Variants in UGT1A7 observed in about 807,000 individuals in gnomAD.
The protein encoded by UGT1A7 is UDP-glucuronosyltransferase 1A7.
Under a neutral mutation model 45.6 loss-of-function variants are expected in UGT1A7, and 33 were observed. That is an observed-to-expected ratio of 0.72 (90% confidence interval 0.55 to 0.97). The LOEUF is 0.97. Among genes scored for constraint, UGT1A7 ranks in the 50% least tolerant of loss-of-function variants. The pLI is 0.00. For missense variants in UGT1A7, 684 were observed against 666.2 expected, an observed-to-expected ratio of 1.03 and a Z score of -0.29; for synonymous variants, 274 against 250.6, an observed-to-expected ratio of 1.09 and a Z score of -0.88.
Position 233,757,535 on chromosome 2 carries a change from A to AATATATATATATATATATATAT in UGT1A7, c.856-9494_856-9473dup, listed in dbSNP as rs67292694. Among the ~76,000 whole-genome samples, 69 of 88,256 alleles carry AATATATATATATATATATATAT rather than the reference A, an allele frequency of 7.8e-4. 1 individual carries two copies. Among genetic ancestry groups the AATATATATATATATATATATAT allele is most frequent in the South Asian group, 4.2e-3 (8 of 1,918 alleles). 57.9% of individuals were successfully genotyped at this position (88,256 alleles called of 152,430 possible). ...CAAAGCCAAAATCTTGCCTGTAAGG[A>AATATATATATATATATATATAT]ATATATATATATATATATATATATA... On this transcript the variant is annotated intron_variant, in intron 1 of 4. Transcript: ENST00000373426.
chr2:233,768,582 C>CTTTTTTTTTT (rs139595073), intron 4 of UGT1A7, 143 bp downstream of exon 4: 1 of 867,188 alleles, frequency 1.2e-6, no homozygotes, highest in Non-Finnish European at 1.4e-6. Flanking sequence ...TTTATTTCTT[C>CTTTTTTTTTT]TTTTTTTTTT....
At position 233,713,223 on chromosome 2, in the gene UGT1A7, A is replaced by G. The variant is rs72551334; in HGVS notation, c.855+30431A>G. 6 of 1,614,250 alleles carry G rather than the reference A, an allele frequency of 3.7e-6. No homozygotes were observed. In the South Asian group the frequency reaches 4.4e-5, roughly 12 times the overall value. On this transcript the variant is annotated intron_variant, in intron 1 of 4. Coordinates refer to ENST00000373426, the MANE Select transcript of UGT1A7 (RefSeq NM_019077.3). ...CAAAGAAGAGAACTTTTTCACCCTG[A>G]CAACGTATGCCATTTCATGGACCCA...
intron 1 of UGT1A7, chr2:233,761,300 G>A (rs2125991152): frequency 6.7e-7 from 1 of 1,496,402 alleles, no homozygotes; most frequent in Non-Finnish European, 9.1e-7. Flanking sequence ...CTAGGTTTGA[G>A]TCTGTCTTTG....
intron 1 of UGT1A7, chr2:233,754,930 G>A (rs1387383656): frequency 5.9e-6 from 8 of 1,344,668 alleles, no homozygotes; most frequent in Non-Finnish European, 8.0e-6. Flanking sequence ...TTTCCCAAGA[G>A]GTCAAAGGAG....
In UGT1A7 at chr2:233,769,703, A is replaced by G. The variant is rs1416273085; in HGVS notation, c.1295+1264A>G. 46 of 1,521,058 alleles carry G rather than the reference A, an allele frequency of 3.0e-5. No individual in the cohort carries two copies. Among genetic ancestry groups the G allele is most frequent in the Non-Finnish European group, 3.6e-5 (41 of 1,133,112 alleles). 94.2% of individuals were successfully genotyped at this position (1,521,058 alleles called of 1,614,324 possible). A position where few individuals can be genotyped will look rare whatever the true frequency, so the allele number is the denominator to read the frequency against. ...TGTGGTGGCACTGGATAAAAGATCA[A>G]TGTTGGCTAGGCACCATGGCACACG... On this transcript the variant is annotated intron_variant, in intron 4 of 4. Coordinates refer to ENST00000373426, the MANE Select transcript of UGT1A7 (RefSeq NM_019077.3). The surrounding 1 kb of genome is among the most constrained non-coding windows in gnomAD (Gnocchi z 4.4).
intron 1 of UGT1A7, among the ~76,000 whole-genome samples, chr2:233,735,766 T>C (rs2078690573): frequency 1.3e-5 from 2 of 152,218 alleles, no homozygotes; most frequent in African/African-American, 4.8e-5. Flanking sequence ...CCTTCACTTA[T>C]GAAGCTTACT....
intron 1 of UGT1A7, among the ~76,000 whole-genome samples, chr2:233,702,710 C>T (rs1001273566): frequency 2.0e-5 from 3 of 152,232 alleles, no homozygotes; most frequent in African/African-American, 7.2e-5. Flanking sequence ...TTTTCTGTGT[C>T]TATTGAAATG....
At position 233,682,795 on chromosome 2, in the gene UGT1A7, A is replaced by G. The variant is rs756686754; in HGVS notation, c.855+3A>G. The G allele has an allele frequency of 4.3e-6, 7 of 1,611,214 alleles. No individual in the cohort carries two copies. Among genetic ancestry groups the G allele is most frequent in the Admixed American group, 1.7e-5 (1 of 59,908 alleles). On this transcript the variant is annotated splice_donor_region_variant and intron_variant, in intron 1 of 4. Transcript: ENST00000373426. ...ATCAGGGAAAGCCAGTGCCTATGGT[A>G]AGTTATCTCCCCTTTAGCACATTAA...
chr2:233,712,608 G>A (rs889827578), intron 1 of UGT1A7, among the ~76,000 whole-genome samples: 3 of 152,186 alleles, frequency 2.0e-5, no homozygotes, highest in African/African-American at 7.2e-5. Flanking sequence ...GGGGACTAGG[G>A]CAATGGTGAC....
chr2:233,703,909 G>A (rs922179398), intron 1 of UGT1A7, among the ~76,000 whole-genome samples: 11 of 144,658 alleles, frequency 7.6e-5, no homozygotes, highest in African/African-American at 2.6e-4. Context: ...TTTTTTTTTT[G>A]AGACAAAATC....
Position 233,768,243 on chromosome 2 carries a change from A to T in UGT1A7, c.1099A>T (p.Ile367Phe). The T allele has an allele frequency of 6.2e-7, 1 of 1,614,146 alleles. No individual in the cohort carries two copies. The highest frequency in any genetic ancestry group is 8.5e-7 in the Non-Finnish European group (1 of 1,180,022). Residue 367 changes from isoleucine to phenylalanine, a missense_variant, in exon 4 of 5, where the codon ATC (isoleucine) becomes TTC (phenylalanine). Ile to Phe is a conservative substitution (Grantham distance 21). Transcript: ENST00000373426. The part of the protein sequence containing the change: ...LLGHPMTRAF[I>F]THAGSHGVYE... Reference sequence around the variant, plus strand: ...AGGTCACCCGATGACCCGTGCCTTTATCACCCATGCTGGTTCCCATGGTGT... The same window carrying T: ...AGGTCACCCGATGACCCGTGCCTTTTTCACCCATGCTGGTTCCCATGGTGT...
chr2:233,716,897 A>C lies in UGT1A7; in HGVS notation c.855+34105A>C, dbSNP rs1240550943. ...ATCTGTGCAGCCCAGACCCCTCCTCATCTCCAGACCCTGGAAGCTGATGCC... is the reference window on the plus strand; with the variant it reads ...ATCTGTGCAGCCCAGACCCCTCCTCCTCTCCAGACCCTGGAAGCTGATGCC... On this transcript the variant is annotated intron_variant, in intron 1 of 4. Transcript: ENST00000373426. 3.3e-5 allele frequency among the ~76,000 whole-genome samples: 5 copies of C among 151,990 alleles called. No individual in the cohort carries two copies. The East Asian group carries it at 9.6e-4, about 29-fold the overall frequency.
Position 233,772,251 on chromosome 2 carries a change from T to C in UGT1A7, c.1296-11T>C, listed in dbSNP as rs1700493926. On this transcript the variant is annotated splice_polypyrimidine_tract_variant and intron_variant, in intron 4 of 4. Coordinates refer to ENST00000373426, the MANE Select transcript of UGT1A7 (RefSeq NM_019077.3). ...GTGTTCCAGGCATAACGAAACTGTCTTTGTGTTTAGTTACAAGGAGAACAT... is the reference window on the plus strand; with the variant it reads ...GTGTTCCAGGCATAACGAAACTGTCCTTGTGTTTAGTTACAAGGAGAACAT... The C allele has an allele frequency of 2.5e-6, 4 of 1,614,250 alleles. No homozygotes were observed. The East Asian group carries it at 8.9e-5, about 36-fold the overall frequency.
At chr2:233,693,176 G>A in intron 1 of UGT1A7, 1 of 1,614,172 alleles carries the variant, frequency 6.2e-7, no homozygotes, top group Non-Finnish European at 8.5e-7. Context: ...TGAGATTGTA[G>A]TGGTGGTGCC....
chr2:233,733,236 C>T (rs982888781), intron 1 of UGT1A7, among the ~76,000 whole-genome samples: 9 of 152,278 alleles, frequency 5.9e-5, no homozygotes, highest in African/African-American at 2.2e-4. Context: ...TCTAAATATA[C>T]AATCATGTCA....
At position 233,701,798 on chromosome 2, in the gene UGT1A7, A is replaced by T. The variant is rs1186220226; in HGVS notation, c.855+19006A>T. Among the ~76,000 whole-genome samples, 3 of 152,228 alleles carry T rather than the reference A, an allele frequency of 2.0e-5. No homozygotes were observed. In the East Asian group the frequency reaches 5.8e-4, roughly 29 times the overall value. ...ATAAAGGTGTTCTTTGAAATCAACG[A>T]GAACAAAGACACAACATACCAGAAT... On this transcript the variant is annotated intron_variant, in intron 1 of 4. Transcript: ENST00000373426.
intron 1 of UGT1A7, among the ~76,000 whole-genome samples, chr2:233,711,929 A>C (rs1575497188): frequency 6.6e-6 from 1 of 152,234 alleles, no homozygotes; most frequent in East Asian, 1.9e-4. Flanking sequence ...GGGTCTCTCC[A>C]TTAGAAAGGC....
Position 233,772,820 on chromosome 2 carries a change from C to A in UGT1A7, c.*261C>A. On this transcript the variant is annotated 3_prime_UTR_variant, in exon 5 of 5. Coordinates refer to ENST00000373426, the MANE Select transcript of UGT1A7 (RefSeq NM_019077.3). ...TGCCATTTTTCAGAGGACGTGCAGACAGGCTGGCATTCTAGATTACTTTTC... is the reference window on the plus strand; with the variant it reads ...TGCCATTTTTCAGAGGACGTGCAGAAAGGCTGGCATTCTAGATTACTTTTC... 1 of 980,890 alleles carries A rather than the reference C, an allele frequency of 1.0e-6. No individual in the cohort carries two copies. The highest frequency in any genetic ancestry group is 1.4e-6 in the Non-Finnish European group (1 of 712,708). 60.8% of individuals were successfully genotyped at this position (980,890 alleles called of 1,614,324 possible).
At chr2:233,752,762 C>CA (rs1695055217) in intron 1 of UGT1A7, among the ~76,000 whole-genome samples, 1 of 152,222 alleles carries the variant, frequency 6.6e-6, no homozygotes, top group Non-Finnish European at 1.5e-5. Flanking sequence ...AACAAACAAA[C>CA]AAACAAACAA....
Sources: allele counts gnomAD v4.1 joint callset (sites outside exome capture counted in the v4.1 genomes callset), GRCh38; gene constraint gnomAD v4.1.1; non-coding constraint Gnocchi (gnomAD v3.1); transcripts MANE v1.5; gene names NCBI Gene and HGNC (gene_info 2026-07-23, HGNC 2026-07-21).